The following DGKZ variants were observed in gnomAD, a reference collection of about 807,000 sequenced individuals.
DGKZ encodes the protein DAG kinase zeta.
In DGKZ, 45 loss-of-function variants were observed where a neutral mutation model predicts 142.5. The observed-to-expected ratio is 0.32, with a 90% CI of 0.25 to 0.40. The LOEUF is 0.40. DGKZ is among the 10% of genes least tolerant of loss of function. The pLI is 1.00. For missense variants in DGKZ, 755 were observed against 1,306.5 expected, an observed-to-expected ratio of 0.58 and a Z score of 6.51; for synonymous variants, 442 against 527.0, an observed-to-expected ratio of 0.84 and a Z score of 2.21.
intron 1 of DGKZ, among the ~76,000 whole-genome samples, chr11:46,340,330 C>G (rs1228245544): frequency 6.6e-6 from 1 of 152,156 alleles, no homozygotes; most frequent in Non-Finnish European, 1.5e-5. Flanking sequence ...GAGTGGGAGG[C>G]TTGGAAGGCA....
At position 46,374,659 on chromosome 11, in the gene DGKZ, G is replaced by A. The variant is rs759859781; in HGVS notation, c.1517G>A (p.Arg506Gln). The change falls in exon 17 of 31, where the codon CGA becomes CAA. Residue 506 changes from arginine (R) to glutamine (Q), a missense_variant. This residue lies in a region of DGKZ where 191 missense variants were observed against 472.1 expected (regional missense o/e 0.40). Transcript: ENST00000527911. ...TCCAAGGACCTGGCCAAGCACATCC[G>A]AGTGGTGGTGAGCGGGGCCAGGCTG... is the stretch of plus-strand genomic sequence containing the variant. The A allele has an allele frequency of 1.4e-5, 23 of 1,593,606 alleles. No individual in the cohort carries two copies. The highest frequency in any genetic ancestry group is 6.7e-5 in the African/African-American group (5 of 74,718).
intron 8 of DGKZ, 28 bp from the exon 9 acceptor site, chr11:46,371,676 G>A (rs746034916): frequency 1.6e-5 from 26 of 1,613,724 alleles, no homozygotes; most frequent in African/African-American, 1.1e-4. Flanking sequence ...TGCCCACCTC[G>A]TCACCAACAC....
At position 46,372,762 on chromosome 11, in the gene DGKZ, C is replaced by T; in HGVS notation, c.1072-9C>T. On this transcript the variant is annotated splice_polypyrimidine_tract_variant and intron_variant, in intron 12 of 30. Transcript: ENST00000527911. This position sits in a 1 kb window ranked among gnomAD's most constrained non-coding sequence, Gnocchi z 5.9. ...TGGGCCTGATTTGCCTCTGTTCTTC[C>T]TCCCCCAGGTGGGCTGGATCCTCTC... 6.2e-7 allele frequency: 1 copy of T among 1,607,874 alleles called. No individual in the cohort carries two copies. Among genetic ancestry groups the T allele is most frequent in the South Asian group, 1.1e-5 (1 of 90,268 alleles).
intron 1 of DGKZ, among the ~76,000 whole-genome samples, chr11:46,349,371 T>C (rs1941082062): frequency 1.3e-5 from 2 of 152,122 alleles, no homozygotes; most frequent in Non-Finnish European, 2.9e-5. Flanking sequence ...AGGCTTCCTG[T>C]TGCTGCCCAC....
chr11:46,367,264 C>A lies in DGKZ; in HGVS notation c.162-27C>A, dbSNP rs767022649. The A allele has an allele frequency of 2.9e-5, 47 of 1,593,448 alleles. No individual in the cohort carries two copies. The Admixed American group carries it at 7.7e-4, about 26-fold the overall frequency. ...AGTAGGGTCAGCAAGTGCTCAGCCC[C>A]CTCCTCAGCTGTCTTCTCCTCTCTA... is the stretch of plus-strand genomic sequence containing the variant. On this transcript the variant is annotated intron_variant, in intron 1 of 30. Coordinates refer to ENST00000527911, the Ensembl canonical transcript of DGKZ. The surrounding 1 kb of genome is among the most constrained non-coding windows in gnomAD (Gnocchi z 4.1).
Position 46,379,239 on chromosome 11 carries a change from A to T in DGKZ, c.2573+3A>T, listed in dbSNP as rs1266910225. ...ATCCTTGATGCGGTGGAGGAAAAGT[A>T]AGTATCTGGGCAGTGCAGAACCGTG... On this transcript the variant is annotated splice_donor_region_variant and intron_variant, in intron 29 of 30. Coordinates refer to ENST00000527911, the Ensembl canonical transcript of DGKZ. 1 of 1,613,044 alleles carries T rather than the reference A, an allele frequency of 6.2e-7. No homozygotes were observed. The highest frequency in any genetic ancestry group is 8.5e-7 in the Non-Finnish European group (1 of 1,179,936).
At chr11:46,364,303 G>A in intron 1 of DGKZ, 2 of 1,188,062 alleles carry the variant, frequency 1.7e-6, no homozygotes, top group East Asian at 5.7e-5. Context: ...TATTCCTTGG[G>A]GTTGCAGTTT....
intron 1 of DGKZ, among the ~76,000 whole-genome samples, chr11:46,359,945 A>C (rs1240585274): frequency 2.0e-5 from 3 of 152,082 alleles, no homozygotes; most frequent in Non-Finnish European, 4.4e-5. Context: ...CCACATTGCA[A>C]CTAACCTTTG....
At chr11:46,347,434 C>G (rs1399061997), upstream of DGKZ, 1 of 982,672 alleles carries the variant, frequency 1.0e-6, no homozygotes, top group Non-Finnish European at 1.2e-6. This position sits in a 1 kb window ranked among gnomAD's most constrained non-coding sequence, Gnocchi z 6.4. Flanking sequence ...GCCCGGCCAG[C>G]TATGCGGGGT....
Position 46,367,166 on chromosome 11 carries a change from C to A in DGKZ, c.162-125C>A. On this transcript the variant is annotated intron_variant, in intron 1 of 30. Transcript: ENST00000527911. The surrounding 1 kb of genome is among the most constrained non-coding windows in gnomAD (Gnocchi z 4.1). ...GCAGGGAGCCTCTTAGTGTCTGGGG[C>A]TGCTGGGAGGCTCCTCCGCCCTCCC... The A allele has an allele frequency of 8.0e-7, 1 of 1,247,762 alleles. No homozygotes were observed. Among genetic ancestry groups the A allele is most frequent in the Non-Finnish European group, 1.1e-6 (1 of 873,844 alleles). The allele number at this position is 1,247,762 out of a possible 1,614,324, so 77.3% of individuals were successfully genotyped here.
chr11:46,378,974 A>G lies in DGKZ; in HGVS notation c.2419-17A>G, dbSNP rs1944894617. The G allele has an allele frequency of 3.9e-6, 6 of 1,522,226 alleles. No homozygotes were observed. Among genetic ancestry groups the G allele is most frequent in the East Asian group, 2.3e-5 (1 of 43,914 alleles). 94.3% of individuals were successfully genotyped at this position (1,522,226 alleles called of 1,614,324 possible). On this transcript the variant is annotated splice_polypyrimidine_tract_variant and intron_variant, in intron 27 of 30. Coordinates refer to ENST00000527911, the Ensembl canonical transcript of DGKZ. ...TGGCCCCAGGAGGTCCAGCCCTGCC[A>G]TGCCTCCTGCCCTCAGCTCCAGGAG... is the stretch of plus-strand genomic sequence containing the variant.
chr11:46,366,435 TC>T (rs769428682), intron 1 of DGKZ: 4 of 1,547,566 alleles, frequency 2.6e-6, no homozygotes, highest in Non-Finnish European at 3.5e-6. Flanking sequence ...CAGGGCTGCC[TC>T]CTGAGTTGCG....
At chr11:46,345,663 C>A, upstream of DGKZ, 1 of 1,372,186 alleles carries the variant, frequency 7.3e-7, no homozygotes, top group Admixed American at 3.3e-5. The surrounding 1 kb of genome is among the most constrained non-coding windows in gnomAD (Gnocchi z 4.1). Context: ...ATGGGGGTGA[C>A]AGAAGTAGGG....
rs1006740167 is a variant in DGKZ, at chr11:46,333,188, C to A, written c.-88C>A. The A allele has an allele frequency of 1.6e-4, 188 of 1,149,810 alleles. No individual in the cohort carries two copies. In the East Asian group the frequency reaches 6.5e-3, roughly 39 times the overall value. The allele number at this position is 1,149,810 out of a possible 1,614,324, so 71.2% of individuals were successfully genotyped here. A position where few individuals can be genotyped will look rare whatever the true frequency, so the allele number is the denominator to read the frequency against. ...CCGGCGCTCCCCTCCCTCCCCGCCT[C>A]GCGTCCCCGGCCCGGGCGGACTGGA... On this transcript the variant is annotated 5_prime_UTR_variant, in exon 1 of 31. Transcript: ENST00000343674.
chr11:46,338,005 G>A (rs1015876109), intron 1 of DGKZ, among the ~76,000 whole-genome samples: 1 of 152,188 alleles, frequency 6.6e-6, no homozygotes, highest in Non-Finnish European at 1.5e-5. Flanking sequence ...CCCATACAGG[G>A]TGAGACAGTA....
At chr11:46,377,390 C>G (rs529987497) in intron 25 of DGKZ, 178 bp downstream of exon 25, 1 of 1,218,768 alleles carries the variant, frequency 8.2e-7, no homozygotes, top group Non-Finnish European at 1.1e-6. Context: ...AGCGGCCTCA[C>G]GTCCACCCTG....
chr11:46,378,119 A>G, intron 25 of DGKZ, 79 bp from the exon 26 acceptor site: 1 of 1,521,532 alleles, frequency 6.6e-7, no homozygotes, highest in Non-Finnish European at 8.9e-7. Flanking sequence ...AAGGATGAAG[A>G]TGCCCCCAGT....
intron 9 of DGKZ, 105 bp from the exon 10 acceptor site, chr11:46,371,970 G>T (rs754809611): frequency 3.6e-5 from 46 of 1,273,706 alleles, no homozygotes; most frequent in Non-Finnish European, 5.0e-5. Context: ...GAGATGGTAC[G>T]TGAGGGTACA....
chr11:46,372,957 C>A lies in DGKZ; in HGVS notation c.1186-4C>A, dbSNP rs1462738727. On this transcript the variant is annotated splice_polypyrimidine_tract_variant and splice_region_variant and intron_variant, in intron 13 of 30. Transcript: ENST00000527911. This position sits in a 1 kb window ranked among gnomAD's most constrained non-coding sequence, Gnocchi z 5.9. Reference sequence around the variant, plus strand: ...GAGGGCTCAGTCCCTGCCTGCTCCCCCAGGGCTACACAGATGAGCCTGTGT... The same window carrying A: ...GAGGGCTCAGTCCCTGCCTGCTCCCACAGGGCTACACAGATGAGCCTGTGT... 1.3e-6 allele frequency: 2 copies of A among 1,549,684 alleles called. No homozygotes were observed. The highest frequency in any genetic ancestry group is 1.4e-5 in the African/African-American group (1 of 73,230).
Sources: allele counts gnomAD v4.1 joint callset (sites outside exome capture counted in the v4.1 genomes callset), GRCh38; gene constraint gnomAD v4.1.1; regional missense constraint gnomAD v4.1.1; non-coding constraint Gnocchi (gnomAD v3.1); transcripts MANE v1.5; gene names NCBI Gene and HGNC (gene_info 2026-07-23, HGNC 2026-07-21).